Variants in PPP2R5A observed in about 807,000 individuals in gnomAD.
PPP2R5A encodes serine/threonine-protein phosphatase 2A 56 kDa regulatory subunit alpha isoform.
PPP2R5A carries 25 observed loss-of-function variants against 64.2 expected under a neutral mutation model. The ratio of observed to expected loss-of-function variants is 0.39; its 90% CI spans 0.28 to 0.54. PPP2R5A has a LOEUF of 0.54. Among genes scored for constraint, PPP2R5A ranks in the 20% least tolerant of loss-of-function variants. PPP2R5A has a pLI of 0.67. For missense variants in PPP2R5A, 425 were observed against 576.3 expected (o/e 0.74, Z 2.69); for synonymous variants, 198 against 201.2 (o/e 0.98, Z 0.13).
intron 11 of PPP2R5A, 79 bp from the exon 12 acceptor site, chr1:212,358,607 C>A: frequency 9.7e-7 from 1 of 1,035,004 alleles, no homozygotes; most frequent in Non-Finnish European, 1.4e-6. Flanking sequence ...CAAGCTTTAA[C>A]CCATTTTAGA....
At chr1:212,354,213 G>A (rs1214064110) in intron 8 of PPP2R5A, among the ~76,000 whole-genome samples, 2 of 151,906 alleles carry the variant, frequency 1.3e-5, no homozygotes, top group African/African-American at 4.8e-5. Flanking sequence ...AAAATAACAG[G>A]CTACATATAA....
At chr1:212,293,449 T>G (rs184836175) in intron 1 of PPP2R5A, among the ~76,000 whole-genome samples, 11 of 152,322 alleles carry the variant, frequency 7.2e-5, no homozygotes, top group African/African-American at 2.6e-4. Flanking sequence ...TAGTGTATTA[T>G]TATGTAACAA....
At chr1:212,313,820 A>G (rs1370765472) in intron 1 of PPP2R5A, 2 of 152,176 alleles carry the variant, frequency 1.3e-5, no homozygotes, top group African/African-American at 2.4e-5. Context: ...AAATGTGGTA[A>G]GATGACTCTT....
At chr1:212,301,265 C>T (rs1181989571) in intron 1 of PPP2R5A, among the ~76,000 whole-genome samples, 1 of 152,000 alleles carries the variant, frequency 6.6e-6, no homozygotes, top group Non-Finnish European at 1.5e-5. Context: ...CCCACCTTGG[C>T]CCCCCCAAAG....
chr1:212,310,285 C>G (rs1659004432), intron 1 of PPP2R5A, among the ~76,000 whole-genome samples: 1 of 147,542 alleles, frequency 6.8e-6, no homozygotes, highest in Non-Finnish European at 1.5e-5. Flanking sequence ...GGGCTCCACA[C>G]TGCTGGGTTT....
chr1:212,356,874 C>A, intron 9 of PPP2R5A, 76 bp from the exon 10 acceptor site: 1 of 1,357,424 alleles, frequency 7.4e-7, no homozygotes, highest in South Asian at 1.5e-5. Flanking sequence ...GCAGATTAAC[C>A]TTCTCATTTG....
chr1:212,360,546 T>A, intron 12 of PPP2R5A, 92 bp from the exon 13 acceptor site: 1 of 1,109,340 alleles, frequency 9.0e-7, no homozygotes, highest in Non-Finnish European at 1.3e-6. Flanking sequence ...GAAATGTGGG[T>A]AAGTAATGTG....
chr1:212,329,487 C>G (rs1042035945), intron 2 of PPP2R5A, among the ~76,000 whole-genome samples, 156 bp downstream of exon 2: 2 of 152,132 alleles, frequency 1.3e-5, no homozygotes, highest in African/African-American at 4.8e-5. Context: ...ATGATACCAT[C>G]ATTGCATATA....
rs1368421837 is a variant in PPP2R5A at position 212,297,825 on chromosome 1, C to CTTTTTTCTTTTTTTTTA, written c.181+11540_181+11541insCTTTTTTTTTATTTTTT. On this transcript the variant is annotated intron_variant, in intron 1 of 12. Transcript: ENST00000261461. The stretch of plus-strand genomic sequence containing the variant: ...AAGTGAATTGTTTTTTTTTTTTTTT[C>CTTTTTTCTTTTTTTTTA]TTTTTTATTTTTATTGATCATTCTT... The CTTTTTTCTTTTTTTTTA allele has an allele frequency of 1.8e-4, 4 of 22,120 alleles. 1 individual carries two copies. Among genetic ancestry groups the CTTTTTTCTTTTTTTTTA allele is most frequent in the Admixed American group, 8.4e-4 (2 of 2,394 alleles). 1.4% of individuals were successfully genotyped at this position (22,120 alleles called of 1,614,324 possible). A position where few individuals can be genotyped will look rare whatever the true frequency, so the allele number is the denominator to read the frequency against.
At chr1:212,321,322 AC>A (rs1356782206) in intron 1 of PPP2R5A, among the ~76,000 whole-genome samples, 6 of 126,722 alleles carry the variant, frequency 4.7e-5, no homozygotes, top group African/African-American at 9.3e-5. Flanking sequence ...CGAGGGGCTG[AC>A]CCCCCCACCT....
At chr1:212,317,554 C>T (rs1659180623) in intron 1 of PPP2R5A, among the ~76,000 whole-genome samples, 1 of 151,990 alleles carries the variant, frequency 6.6e-6, no homozygotes, top group African/African-American at 2.4e-5. Context: ...ACTTCCATGA[C>T]ATAATATCCT....
chr1:212,306,364 G>GA (rs1208645284), intron 1 of PPP2R5A, among the ~76,000 whole-genome samples: 1 of 150,078 alleles, frequency 6.7e-6, no homozygotes, highest in African/African-American at 2.5e-5. Context: ...ATGGAGGGGG[G>GA]GTAACTACGA....
intron 1 of PPP2R5A, among the ~76,000 whole-genome samples, chr1:212,305,959 A>G (rs1658892656): frequency 6.6e-6 from 1 of 152,186 alleles, no homozygotes; most frequent in African/African-American, 2.4e-5. Flanking sequence ...AGGAAATTGA[A>G]CACTTGAACA....
In PPP2R5A at chr1:212,349,258, A is replaced by G. The variant is rs1291746176; in HGVS notation, c.927+16A>G. 7.1e-6 allele frequency: 11 copies of G among 1,544,542 alleles called. No homozygotes were observed. Among genetic ancestry groups the G allele is most frequent in the South Asian group, 2.4e-5 (2 of 84,328 alleles). On this transcript the variant is annotated intron_variant, in intron 8 of 12. Transcript: ENST00000261461. ...AACAGAGCCAGTAAGTGTTCTATTTATTTTCATGTTTTTGGTCTGCATTAA... is the reference window on the plus strand; with the variant it reads ...AACAGAGCCAGTAAGTGTTCTATTTGTTTTCATGTTTTTGGTCTGCATTAA...
At chr1:212,342,817 C>T (rs186271819) in intron 4 of PPP2R5A, among the ~76,000 whole-genome samples, 6 of 151,932 alleles carry the variant, frequency 3.9e-5, no homozygotes, top group African/African-American at 7.2e-5. Context: ...TCATTAAGAA[C>T]GTAAGGAGGT....
chr1:212,304,305 C>A (rs754343890), intron 1 of PPP2R5A, among the ~76,000 whole-genome samples: 8 of 152,092 alleles, frequency 5.3e-5, no homozygotes, highest in Non-Finnish European at 1.2e-4. Flanking sequence ...AATGCCAGCA[C>A]TTTGGGAGGC....
At chr1:212,313,240 C>A (rs1659073012) in intron 1 of PPP2R5A, among the ~76,000 whole-genome samples, 1 of 152,130 alleles carries the variant, frequency 6.6e-6, no homozygotes, top group Admixed American at 6.6e-5. Context: ...CATCTGAAAA[C>A]AATTGTTTTA....
intron 1 of PPP2R5A, among the ~76,000 whole-genome samples, chr1:212,317,709 C>T (rs1475526104): frequency 6.6e-6 from 1 of 151,970 alleles, no homozygotes. Flanking sequence ...GAGCCAGGGC[C>T]AGGTTCAGTG....
intron 1 of PPP2R5A, among the ~76,000 whole-genome samples, chr1:212,317,605 A>G (rs974144817): frequency 5.3e-5 from 8 of 151,590 alleles, no homozygotes; most frequent in African/African-American, 1.9e-4. Flanking sequence ...TAAACTCTTG[A>G]TTGTGACCCA....
Sources: allele counts gnomAD v4.1 joint callset (sites outside exome capture counted in the v4.1 genomes callset), GRCh38; gene constraint gnomAD v4.1.1; transcripts MANE v1.5; gene names NCBI Gene and HGNC (gene_info 2026-07-23, HGNC 2026-07-21).